PGAP1: variants seen among roughly 807,000 people sequenced by gnomAD.
PGAP1 encodes post-GPI attachment to proteins inositol deacylase 1, also known as GPI inositol-deacylase.
Under a neutral mutation model 127.0 loss-of-function variants are expected in PGAP1, and 76 were observed. The ratio of observed to expected loss-of-function variants is 0.60; its 90% confidence interval spans 0.50 to 0.72. PGAP1 has a LOEUF of 0.72. Ranked by LOEUF, PGAP1 falls within the 30% of genes least tolerant of loss-of-function variation. The pLI is 0.00. For synonymous variants in PGAP1, 362 were observed against 366.5 expected (o/e 0.99, Z 0.14); for missense variants, 982 against 1,071.3 (o/e 0.92, Z 1.16).
chr2:196,898,440 C>T (rs1702360641), intron 5 of PGAP1, 71 bp from the exon 6 acceptor site: 2 of 1,042,564 alleles, frequency 1.9e-6, no homozygotes, highest in African/African-American at 3.2e-5. Flanking sequence ...GAAATTCTTA[C>T]AAGCTAATAT....
chr2:196,902,590 C>T lies in PGAP1; in HGVS notation c.802G>A (p.Val268Ile). ...KLSHHTSALS[V>I]VSSAVPKTWV... ...GAATCTTAAAAAAAGATTACCACAA[C>T]AGATAAGGCACTGGTATGATGGCTT... The change falls in exon 5 of 27, where the codon GTT becomes ATT. Residue 268 changes from valine to isoleucine, a missense_variant. Coordinates refer to ENST00000354764, the MANE Select transcript of PGAP1 (RefSeq NM_024989.4). 1 of 1,601,988 alleles carries T rather than the reference C, an allele frequency of 6.2e-7. No individual in the cohort carries two copies. The highest frequency in any genetic ancestry group is 8.5e-7 in the Non-Finnish European group (1 of 1,176,420).
At chr2:196,903,215 G>A (rs533898947) in intron 4 of PGAP1, among the ~76,000 whole-genome samples, 15 of 151,254 alleles carry the variant, frequency 9.9e-5, no homozygotes, top group Admixed American at 2.0e-4. Flanking sequence ...ATATATGTGC[G>A]GTATTTTATA....
intron 14 of PGAP1, among the ~76,000 whole-genome samples, chr2:196,874,511 G>A (rs1701499813): frequency 6.6e-6 from 1 of 152,100 alleles, no homozygotes; most frequent in Non-Finnish European, 1.5e-5. Flanking sequence ...CTCAAAGTAT[G>A]TCACCCCAGA....
chr2:196,848,967 T>C (rs570680347), intron 20 of PGAP1, among the ~76,000 whole-genome samples: 1 of 152,282 alleles, frequency 6.6e-6, no homozygotes, highest in South Asian at 2.1e-4. Flanking sequence ...CATTAAAACT[T>C]ATTATTTGTC....
In PGAP1 at chr2:196,841,174, T is replaced by C; in HGVS notation, c.*60A>G. ...CTGTCCATACTGATGGATCTGTGTG[T>C]TCCCTCTTATCACTGGCCCTAAACA... On this transcript the variant is annotated 3_prime_UTR_variant, in exon 27 of 27. Coordinates refer to ENST00000354764, the MANE Select transcript of PGAP1 (RefSeq NM_024989.4). 1 of 1,507,832 alleles carries C rather than the reference T, an allele frequency of 6.6e-7. No homozygotes were observed. The highest frequency in any genetic ancestry group is 9.0e-7 in the Non-Finnish European group (1 of 1,113,780). 93.4% of individuals were successfully genotyped at this position (1,507,832 alleles called of 1,614,324 possible).
In PGAP1 at chr2:196,873,557, T is replaced by TTGATTTTAAA; in HGVS notation, c.1513_1522dup (p.Asn508IlefsTer2). The TTGATTTTAAA allele has an allele frequency of 6.2e-7, 1 of 1,611,096 alleles. No homozygotes were observed. Among genetic ancestry groups the TTGATTTTAAA allele is most frequent in the Non-Finnish European group, 8.5e-7 (1 of 1,178,394 alleles). On this transcript the variant is annotated stop_gained and frameshift_variant, in exon 16 of 27. Coordinates refer to ENST00000354764, the MANE Select transcript of PGAP1 (RefSeq NM_024989.4). LOFTEE classifies it high-confidence loss of function. ...GACTGCTGAGCACTTGCTTACCACG[T>TTGATTTTAAA]TGATTTTAAAAGCTTGGTATATCTA...
At chr2:196,890,070 ACTACAGGTG>A (rs1450908977) in intron 10 of PGAP1, among the ~76,000 whole-genome samples, 2 of 151,886 alleles carry the variant, frequency 1.3e-5, no homozygotes, top group Non-Finnish European at 2.9e-5. Flanking sequence ...AGTAGCAGAA[ACTACAGGTG>A]CTACCACCAC....
At chr2:196,878,322 T>C (rs532472213) in intron 13 of PGAP1, among the ~76,000 whole-genome samples, 1 of 152,298 alleles carries the variant, frequency 6.6e-6, no homozygotes, top group Admixed American at 6.5e-5. Flanking sequence ...AGTCTTAAGG[T>C]AATTTTTATA....
At chr2:196,925,934 A>T (rs932168900) in intron 1 of PGAP1, among the ~76,000 whole-genome samples, 4 of 152,150 alleles carry the variant, frequency 2.6e-5, no homozygotes, top group African/African-American at 9.7e-5. Context: ...CAGCCTTGGG[A>T]ACTATCTAGC....
chr2:196,844,020 G>A lies in PGAP1; in HGVS notation c.2393C>T (p.Ser798Leu), dbSNP rs1051067702. The A allele has an allele frequency of 5.6e-6, 9 of 1,604,984 alleles. No homozygotes were observed. Among genetic ancestry groups the A allele is most frequent in the African/African-American group, 2.7e-5 (2 of 74,800 alleles). ...EKKSNHHKDS[S>L]IHHLRLSAND... is the part of the protein sequence containing the mutation. Reference sequence around the variant, plus strand: ...GGCAGATAAACGAAGATGGTGTATTGAGGAGTCTTTATGATGATTGGATTT... The same window carrying A: ...GGCAGATAAACGAAGATGGTGTATTAAGGAGTCTTTATGATGATTGGATTT... The change falls in exon 25 of 27, where the codon TCA becomes TTA. Residue 798 changes from serine (S) to leucine (L), a missense_variant. Coordinates refer to ENST00000354764, the MANE Select transcript of PGAP1 (RefSeq NM_024989.4).
rs545139804 is a variant in PGAP1, at chr2:196,884,404, A to G, written c.1272+1020T>C. ...TCAAGAGTCAATTTACTTTCCTATC[A>G]TATTTGTTTGATAAACACAAGGTCA... is the stretch of plus-strand genomic sequence containing the variant. On this transcript the variant is annotated intron_variant, in intron 12 of 26. Transcript: ENST00000354764. 1.1e-4 allele frequency among the ~76,000 whole-genome samples: 16 copies of G among 152,324 alleles called. No homozygotes were observed. The South Asian group carries it at 2.7e-3, about 26-fold the overall frequency.
At position 196,873,665 on chromosome 2, in the gene PGAP1, T is replaced by G; in HGVS notation, c.1500+20A>C. ...TTAAAGTAAAATCAAATCCTTTTTC[T>G]TGTAGTCAGGATTAATTACCTGTCC... On this transcript the variant is annotated intron_variant, in intron 15 of 26. Coordinates refer to ENST00000354764, the MANE Select transcript of PGAP1 (RefSeq NM_024989.4). The G allele has an allele frequency of 6.2e-7, 1 of 1,601,868 alleles. No homozygotes were observed. Among genetic ancestry groups the G allele is most frequent in the Non-Finnish European group, 8.6e-7 (1 of 1,169,400 alleles).
chr2:196,844,128 T>G, intron 24 of PGAP1, 53 bp from the exon 25 acceptor site: 2 of 1,067,416 alleles, frequency 1.9e-6, no homozygotes, highest in South Asian at 2.7e-5. Context: ...GTATATTACT[T>G]TATTTAGAAT....
At chr2:196,881,116 C>T (rs1215658720) in intron 12 of PGAP1, among the ~76,000 whole-genome samples, 3 of 152,176 alleles carry the variant, frequency 2.0e-5, no homozygotes, top group Admixed American at 6.6e-5. Flanking sequence ...TGAGAAGATG[C>T]AGCATTTGGT....
intron 18 of PGAP1, among the ~76,000 whole-genome samples, chr2:196,871,888 C>A (rs1327530470): frequency 6.6e-6 from 1 of 152,102 alleles, no homozygotes; most frequent in Non-Finnish European, 1.5e-5. Context: ...AATCTAGGGG[C>A]TCTTCATTCA....
At chr2:196,846,617 T>G (rs762142803) in intron 22 of PGAP1, among the ~76,000 whole-genome samples, 1 of 152,176 alleles carries the variant, frequency 6.6e-6, no homozygotes, top group Non-Finnish European at 1.5e-5. Flanking sequence ...CTTTTATATA[T>G]CTCATCTAAT....
At chr2:196,874,825 G>C (rs1417582949) in intron 14 of PGAP1, among the ~76,000 whole-genome samples, 1 of 152,110 alleles carries the variant, frequency 6.6e-6, no homozygotes, top group Non-Finnish European at 1.5e-5. Context: ...ACCAGCCTGG[G>C]CAATATGGTG....
intron 2 of PGAP1, 68 bp downstream of exon 2, chr2:196,919,929 T>C (rs1156554937): frequency 6.8e-7 from 1 of 1,475,862 alleles, no homozygotes; most frequent in Non-Finnish European, 9.3e-7. Context: ...ATTCACCGAG[T>C]ATGGATATGA....
intron 1 of PGAP1, among the ~76,000 whole-genome samples, chr2:196,924,581 T>C (rs1559376610): frequency 6.6e-6 from 1 of 152,174 alleles, no homozygotes; most frequent in Non-Finnish European, 1.5e-5. Flanking sequence ...GCTTTTTACA[T>C]CATAAAAACC....
Sources: allele counts gnomAD v4.1 joint callset (sites outside exome capture counted in the v4.1 genomes callset), GRCh38; gene constraint gnomAD v4.1.1; transcripts MANE v1.5; gene names NCBI Gene and HGNC (gene_info 2026-07-23, HGNC 2026-07-21).